Variants in PIH1D1 observed in about 807,000 individuals in gnomAD.
The protein encoded by PIH1D1 is PIH1 domain containing 1.
Under a neutral mutation model 38.5 loss-of-function variants are expected in PIH1D1, and 28 were observed. The observed-to-expected ratio is 0.73, with a 90% CI of 0.54 to 1.00. The LOEUF (loss-of-function observed/expected upper bound fraction) is 1.00, where lower values mean the gene tolerates loss of function less well. Ranked by LOEUF, PIH1D1 falls within the 50% of genes least tolerant of loss-of-function variation. The pLI is 0.00. For missense variants in PIH1D1, 343 were observed against 369.9 expected (o/e 0.93, Z 0.60); for synonymous variants, 155 against 153.5 (o/e 1.01, Z -0.07).
At chr19:49,450,878 G>A (rs375991595) in intron 1 of PIH1D1, 30 bp from the exon 2 acceptor site, 18 of 1,613,342 alleles carry the variant, frequency 1.1e-5, no homozygotes, top group African/African-American at 6.7e-5. Flanking sequence ...CTCCAGGCTC[G>A]GAGTCTGTGC....
chr19:49,449,625 C>G lies in PIH1D1; in HGVS notation c.187G>C (p.Gly63Arg), dbSNP rs766224348. The G allele has an allele frequency of 6.2e-7, 1 of 1,614,110 alleles. No individual in the cohort carries two copies. ...TGGCAGATGTTGATGAAAACCTTCC[C>G]TTCCGAGGAGTTGGTCTTTATGCAG... is the stretch of plus-strand genomic sequence containing the variant. ...GFCIKTNSSEGKVFINICHSP... is the reference protein window; with the variant it reads ...GFCIKTNSSERKVFINICHSP... The change falls in exon 3 of 9, where the codon GGG (glycine) becomes CGG (arginine). Residue 63 changes from glycine (G) to arginine (R), a missense_variant. Physicochemically the swap from Gly to Arg is moderately radical, Grantham distance 125 (BLOSUM62 -2). Coordinates refer to ENST00000262265, the MANE Select transcript of PIH1D1 (RefSeq NM_017916.3).
Position 49,448,081 on chromosome 19 carries a change from G to C in PIH1D1, c.338-19C>G. ...TGGCCTTCTGCGGGGAGAAAAAGGG[G>C]GTGAGGACCCCCCAGCCCTCTGCAG... On this transcript the variant is annotated intron_variant, in intron 3 of 8. Transcript: ENST00000262265. 1 of 1,613,730 alleles carries C rather than the reference G, an allele frequency of 6.2e-7. No individual in the cohort carries two copies. Among genetic ancestry groups the C allele is most frequent in the South Asian group, 1.1e-5 (1 of 91,068 alleles).
intron 2 of PIH1D1, among the ~76,000 whole-genome samples, chr19:49,450,548 A>G (rs928875471): frequency 6.6e-6 from 1 of 152,050 alleles, no homozygotes; most frequent in Non-Finnish European, 1.5e-5. Context: ...CCTCCCCAGT[A>G]GCTGGGACTA....
chr19:49,450,822 CTGGGCT>C lies in PIH1D1; in HGVS notation c.111_116del (p.Ala38_Gln39del). 6.2e-7 allele frequency: 1 copy of C among 1,613,444 alleles called. No homozygotes were observed. The highest frequency in any genetic ancestry group is 8.5e-7 in the Non-Finnish European group (1 of 1,179,926). Reference sequence around the variant, plus strand: ...TTTGTGTCGATTCTGGTCTGGTTGTCTGGGCTTGCTGGAGCTCCTTCGAGGCCTGTA... The same window carrying C: ...TTTGTGTCGATTCTGGTCTGGTTGTCTGCTGGAGCTCCTTCGAGGCCTGTA... On this transcript the variant is annotated inframe_deletion, in exon 2 of 9. Transcript: ENST00000262265.
chr19:49,446,451 G>A (rs200209987), intron 8 of PIH1D1, 28 bp from the exon 9 acceptor site: 1 of 1,236,724 alleles, frequency 8.1e-7, no homozygotes, highest in South Asian at 1.2e-5. Flanking sequence ...AGAGAATGAG[G>A]ATCCAGGACC....
intron 1 of PIH1D1, 29 bp from the exon 2 acceptor site, chr19:49,450,877 C>T (rs776910602): frequency 7.4e-6 from 12 of 1,613,544 alleles, no homozygotes; most frequent in South Asian, 5.5e-5. Context: ...CCTCCAGGCT[C>T]GGAGTCTGTG....
At chr19:49,446,736 G>A (rs1333322492) in intron 7 of PIH1D1, 42 bp from the exon 8 acceptor site, 2 of 1,526,466 alleles carry the variant, frequency 1.3e-6, no homozygotes, top group African/African-American at 1.4e-5. Flanking sequence ...CCAGCAACAG[G>A]ATGATCACCT....
intron 2 of PIH1D1, 60 bp downstream of exon 2, chr19:49,450,722 C>T: frequency 1.3e-6 from 1 of 760,718 alleles, no homozygotes; most frequent in Non-Finnish European, 1.9e-6. Context: ...TCTTTCCTTC[C>T]TCCTCTCTCT....
In PIH1D1 at chr19:49,450,791, G is replaced by A. The variant is rs1441870512; in HGVS notation, c.148C>T (p.Pro50Ser). The A allele has an allele frequency of 6.2e-7, 1 of 1,612,414 alleles. No homozygotes were observed. Among genetic ancestry groups the A allele is most frequent in the Admixed American group, 1.7e-5 (1 of 59,894 alleles). ...TTRPESTQIQPQPGFCIKTNS... is the reference protein window; with the variant it reads ...TTRPESTQIQSQPGFCIKTNS... ...CGGTGTCCTTTCTCACCAGGCTGAG[G>A]CTGGATTTGTGTCGATTCTGGTCTG... Residue 50 changes from proline to serine, a missense_variant, in exon 2 of 9, where the codon CCT becomes TCT. Transcript: ENST00000262265.
At chr19:49,450,977 C>A (rs1229077326) in intron 1 of PIH1D1, 129 bp from the exon 2 acceptor site, 3 of 1,556,044 alleles carry the variant, frequency 1.9e-6, no homozygotes, top group African/African-American at 1.4e-5. Flanking sequence ...TTTAGGTCCC[C>A]TTTCTCCTTT....
chr19:49,451,631 C>T lies in PIH1D1; in HGVS notation c.-57G>A. 2 of 1,599,728 alleles carry T rather than the reference C, an allele frequency of 1.3e-6. No individual in the cohort carries two copies. Among genetic ancestry groups the T allele is most frequent in the South Asian group, 1.1e-5 (1 of 90,374 alleles). On this transcript the variant is annotated 5_prime_UTR_variant, in exon 1 of 9. Coordinates refer to ENST00000262265, the MANE Select transcript of PIH1D1 (RefSeq NM_017916.3). Reference sequence around the variant, plus strand: ...GACCCTCAACGTGGGAAACTTTGCCCAGGATCCGAACCCCAGTGCCTGCTC... The same window carrying T: ...GACCCTCAACGTGGGAAACTTTGCCTAGGATCCGAACCCCAGTGCCTGCTC...
chr19:49,447,517 G>C (rs766556578), intron 5 of PIH1D1, 50 bp from the exon 6 acceptor site: 1 of 1,596,014 alleles, frequency 6.3e-7, no homozygotes, highest in Admixed American at 1.7e-5. Context: ...GGTTCCCTTT[G>C]TGGGGGCCAA....
chr19:49,450,691 C>CCCCCCCCCCATTT, intron 2 of PIH1D1, 91 bp downstream of exon 2: 1 of 718,202 alleles, frequency 1.4e-6, no homozygotes, highest in Non-Finnish European at 2.2e-6. Flanking sequence ...CACCCCCACC[C>CCCCCCCCCCATTT]TAGGCCTTTA....
intron 7 of PIH1D1, 22 bp downstream of exon 7, chr19:49,447,002 T>C: frequency 6.3e-7 from 1 of 1,592,468 alleles, no homozygotes; most frequent in Non-Finnish European, 8.6e-7. Flanking sequence ...TCCCCTGCTC[T>C]GGTCCAGCGC....
chr19:49,449,302 T>C (rs1360928322), intron 3 of PIH1D1, 173 bp downstream of exon 3: 1 of 735,826 alleles, frequency 1.4e-6, no homozygotes, highest in Non-Finnish European at 2.4e-6. Context: ...GAACCAGGAC[T>C]GCCCGGGTGT....
chr19:49,447,541 T>C, intron 5 of PIH1D1, 74 bp from the exon 6 acceptor site: 2 of 1,554,448 alleles, frequency 1.3e-6, no homozygotes, highest in South Asian at 1.1e-5. Flanking sequence ...CCTCCCGGGA[T>C]AGGCTCCACC....
Position 49,448,218 on chromosome 19 carries a change from C to G in PIH1D1, c.338-156G>C. The G allele has an allele frequency of 5.7e-6, 4 of 698,784 alleles. No individual in the cohort carries two copies. In the South Asian group the frequency reaches 6.9e-5, roughly 12 times the overall value. The allele number at this position is 698,784 out of a possible 1,614,324, so 43.3% of individuals were successfully genotyped here. A position where few individuals can be genotyped will look rare whatever the true frequency, so the allele number is the denominator to read the frequency against. The stretch of plus-strand genomic sequence containing the variant: ...CTGGGCACTCACTTTCCGCTCTGGA[C>G]TCTCCGCCCAGCCTCCTCCCTGGCC... On this transcript the variant is annotated intron_variant, in intron 3 of 8. Coordinates refer to ENST00000262265, the MANE Select transcript of PIH1D1 (RefSeq NM_017916.3).
At chr19:49,448,187 T>A in intron 3 of PIH1D1, 125 bp from the exon 4 acceptor site, 1 of 961,990 alleles carries the variant, frequency 1.0e-6, no homozygotes, top group East Asian at 2.6e-5. Context: ...CATAAGGAAG[T>A]GAGAGCTGGG....
intron 1 of PIH1D1, 135 bp from the exon 2 acceptor site, chr19:49,450,983 C>CCTTTGA (rs748402961): frequency 2.4e-5 from 37 of 1,525,742 alleles, no homozygotes; most frequent in Non-Finnish European, 3.3e-5. Flanking sequence ...TCCCCTTTCT[C>CCTTTGA]CTTTGAGAAC....
Sources: allele counts gnomAD v4.1 joint callset (sites outside exome capture counted in the v4.1 genomes callset), GRCh38; gene constraint gnomAD v4.1.1; transcripts MANE v1.5; gene names NCBI Gene and HGNC (gene_info 2026-07-23, HGNC 2026-07-21).